MIEN1: variants seen among roughly 807,000 people sequenced by gnomAD.
The protein encoded by MIEN1 is HBV X-transactivated gene 4 protein.
Under a neutral mutation model 15.5 loss-of-function variants are expected in MIEN1, and 12 were observed. That is an observed-to-expected ratio of 0.78 (90% confidence interval 0.50 to 1.26). MIEN1 has a LOEUF of 1.26. MIEN1 is among the 50% of genes most tolerant of loss of function. MIEN1 has a pLI of 0.00. For missense variants in MIEN1, 160 were observed against 151.7 expected (o/e 1.05, Z -0.29); for synonymous variants, 63 against 62.8 (o/e 1.00, Z -0.02).
In MIEN1 at chr17:39,729,771, A is replaced by T; in HGVS notation, c.188-10T>A. 1 of 1,614,132 alleles carries T rather than the reference A, an allele frequency of 6.2e-7. No individual in the cohort carries two copies. The highest frequency in any genetic ancestry group is 8.5e-7 in the Non-Finnish European group (1 of 1,180,028). On this transcript the variant is annotated splice_polypyrimidine_tract_variant and intron_variant, in intron 2 of 3. Transcript: ENST00000394231. The stretch of plus-strand genomic sequence containing the variant: ...TCTATCTCAAAGGCACCTGGTAAGA[A>T]ATCAACAGATAAATGGTACACTGAG...
At position 39,729,169 on chromosome 17, in the gene MIEN1, C is replaced by T. The variant is rs1435127161; in HGVS notation, c.*353G>A. 2.6e-5 allele frequency: 8 copies of T among 308,500 alleles called. No individual in the cohort carries two copies. The highest frequency in any genetic ancestry group is 6.6e-5 in the East Asian group (1 of 15,100). 19.1% of individuals were successfully genotyped at this position (308,500 alleles called of 1,614,324 possible). On this transcript the variant is annotated 3_prime_UTR_variant, in exon 4 of 4. Coordinates refer to ENST00000394231, the MANE Select transcript of MIEN1 (RefSeq NM_032339.5). ...CACTAGTTAGCATTAGTGTTTGTAG[C>T]GCCACTTTACTGCCAATAGCTGACA...
At chr17:39,729,845 A>AAGGG in intron 2 of MIEN1, 84 bp from the exon 3 acceptor site, 3 of 1,553,548 alleles carry the variant, frequency 1.9e-6, no homozygotes, top group Non-Finnish European at 2.6e-6. Flanking sequence ...CCCGCCTTCA[A>AAGGG]GTCCCCCATC....
At position 39,729,717 on chromosome 17, in the gene MIEN1, G is replaced by C. The variant is rs2059923785; in HGVS notation, c.232C>G (p.Leu78Val). The change falls in exon 3 of 4, where the codon CTG (leucine) becomes GTG (valine). Residue 78 changes from leucine to valine, a missense_variant. Physicochemically the swap from Leu to Val is conservative, Grantham distance 32. Coordinates refer to ENST00000394231, the MANE Select transcript of MIEN1 (RefSeq NM_032339.5). ...TCATAGGGAAAGCCCCCATTCTCCA[G>C]CTTGGAGAACACCAGCTGTCCATTT... ...EINGQLVFSK[L>V]ENGGFPYEKD... 6.2e-7 allele frequency: 1 copy of C among 1,614,040 alleles called. No homozygotes were observed. The highest frequency in any genetic ancestry group is 2.2e-5 in the East Asian group (1 of 44,884).
intron 1 of MIEN1, 40 bp from the exon 2 acceptor site, chr17:39,730,331 G>T: frequency 5.7e-6 from 9 of 1,571,690 alleles, no homozygotes; most frequent in Non-Finnish European, 7.8e-6. Flanking sequence ...GGGATTCGGG[G>T]GTGGGGCCTC....
chr17:39,730,204 G>A lies in MIEN1; in HGVS notation c.177C>T (p.Leu59=), dbSNP rs1767176190. Residue 59 remains leucine (L), a synonymous_variant, in exon 2 of 4, where the codon CTC becomes CTT. Coordinates refer to ENST00000394231, the MANE Select transcript of MIEN1 (RefSeq NM_032339.5). ...TTCTGCGAGCCTCACCTGTGCCCCC[G>A]AGGCGCGACTCGATCTCGATGCCCG... ...QYPGIEIESR[L]GGTGAFEIEI... is the part of the protein sequence containing the mutation. 1 of 1,605,900 alleles carries A rather than the reference G, an allele frequency of 6.2e-7. No individual in the cohort carries two copies. Among genetic ancestry groups the A allele is most frequent in the Admixed American group, 1.7e-5 (1 of 59,556 alleles).
Position 39,729,402 on chromosome 17 carries a change from C to T in MIEN1, c.*120G>A. ...TTGTACCCAAAGGGCAAAGTGGAGG[C>T]CAGGGTCTCTTTGCTAAGGAGCTAA... On this transcript the variant is annotated 3_prime_UTR_variant, in exon 4 of 4. Coordinates refer to ENST00000394231, the MANE Select transcript of MIEN1 (RefSeq NM_032339.5). The T allele has an allele frequency of 7.8e-7, 1 of 1,278,338 alleles. No homozygotes were observed. Among genetic ancestry groups the T allele is most frequent in the South Asian group, 1.4e-5 (1 of 73,826 alleles). 79.2% of individuals were successfully genotyped at this position (1,278,338 alleles called of 1,614,324 possible).
chr17:39,730,371 G>A (rs891390327), intron 1 of MIEN1, 36 bp downstream of exon 1: 6 of 1,554,928 alleles, frequency 3.9e-6, no homozygotes, highest in Non-Finnish European at 5.2e-6. Context: ...CGGCCCGCGG[G>A]ACCAGGGTGC....
chr17:39,729,931 G>C, intron 2 of MIEN1, 170 bp from the exon 3 acceptor site: 1 of 839,116 alleles, frequency 1.2e-6, no homozygotes, highest in South Asian at 1.7e-5. Flanking sequence ...ACCTGAGGGA[G>C]GCCTCGCCTG....
Position 39,730,222 on chromosome 17 carries a change from G to A in MIEN1, c.159C>T (p.Ile53=), listed in dbSNP as rs1411159381. The change falls in exon 2 of 4, where the codon ATC becomes ATT. Residue 53 remains isoleucine, a synonymous_variant. Transcript: ENST00000394231. ...TGCCCCCGAGGCGCGACTCGATCTC[G>A]ATGCCCGGATACTGCTCCTTCACAG... ...ASAVKEQYPG[I]EIESRLGGTG... is the part of the protein sequence containing the mutation. 26 of 1,608,346 alleles carry A rather than the reference G, an allele frequency of 1.6e-5. No individual in the cohort carries two copies. The highest frequency in any genetic ancestry group is 2.1e-5 in the Non-Finnish European group (25 of 1,179,454).
At chr17:39,729,930 A>G in intron 2 of MIEN1, 169 bp from the exon 3 acceptor site, 1 of 847,304 alleles carries the variant, frequency 1.2e-6, no homozygotes, top group Non-Finnish European at 1.8e-6. Context: ...AACCTGAGGG[A>G]GGCCTCGCCT....
rs903754539 is a variant in MIEN1, at chr17:39,730,515, G to A, written c.-20C>T. On this transcript the variant is annotated 5_prime_UTR_variant, in exon 1 of 4. Transcript: ENST00000394231. ...GCTCATCGCGGCCGGCTCCGCTCGG[G>A]CCCCTGCTTCCGGGTGTGACGCGAA... The A allele has an allele frequency of 1.2e-4, 177 of 1,524,458 alleles. No individual in the cohort carries two copies. Among genetic ancestry groups the A allele is most frequent in the Admixed American group, 2.4e-4 (12 of 49,176 alleles). The allele number at this position is 1,524,458 out of a possible 1,614,324, so 94.4% of individuals were successfully genotyped here.
intron 2 of MIEN1, 57 bp from the exon 3 acceptor site, chr17:39,729,818 T>C (rs1370140268): frequency 5.6e-6 from 9 of 1,609,482 alleles, no homozygotes; most frequent in Non-Finnish European, 7.6e-6. Flanking sequence ...AAGTCAGGAG[T>C]TCCTCCAAAG....
chr17:39,730,173 C>G (rs1269128655), intron 2 of MIEN1, 21 bp downstream of exon 2: 1 of 1,586,176 alleles, frequency 6.3e-7, no homozygotes, highest in South Asian at 1.1e-5. Context: ...ACTGACCCAG[C>G]AGGTGTTCTG....
chr17:39,729,406 G>A lies in MIEN1; in HGVS notation c.*116C>T. ...ACCCAAAGGGCAAAGTGGAGGCCAGGGTCTCTTTGCTAAGGAGCTAAGTAG... is the reference window on the plus strand; with the variant it reads ...ACCCAAAGGGCAAAGTGGAGGCCAGAGTCTCTTTGCTAAGGAGCTAAGTAG... On this transcript the variant is annotated 3_prime_UTR_variant, in exon 4 of 4. Transcript: ENST00000394231. The A allele has an allele frequency of 7.6e-7, 1 of 1,308,258 alleles. No individual in the cohort carries two copies. The highest frequency in any genetic ancestry group is 1.3e-5 in the South Asian group (1 of 75,292). The allele number at this position is 1,308,258 out of a possible 1,614,324, so 81.0% of individuals were successfully genotyped here.
At chr17:39,730,067 C>T in intron 2 of MIEN1, 127 bp downstream of exon 2, 1 of 939,908 alleles carries the variant, frequency 1.1e-6, no homozygotes, top group Non-Finnish European at 1.6e-6. Context: ...CTCATGTTGG[C>T]CGGACATTTT....
Position 39,729,287 on chromosome 17 carries a change from C to T in MIEN1, c.*235G>A, listed in dbSNP as rs2143353717. The T allele has an allele frequency of 1.7e-6, 1 of 572,302 alleles. No individual in the cohort carries two copies. The highest frequency in any genetic ancestry group is 1.9e-5 in the African/African-American group (1 of 53,504). The allele number at this position is 572,302 out of a possible 1,614,324, so 35.5% of individuals were successfully genotyped here. A position where few individuals can be genotyped will look rare whatever the true frequency, so the allele number is the denominator to read the frequency against. On this transcript the variant is annotated 3_prime_UTR_variant, in exon 4 of 4. Coordinates refer to ENST00000394231, the MANE Select transcript of MIEN1 (RefSeq NM_032339.5). ...GGACTGGGCTTTCGTGGGCACTTAC[C>T]CTGGGAAGGGGGTATGAGGTGGCTG...
Position 39,729,590 on chromosome 17 carries a change from G to A in MIEN1, c.280C>T (p.Arg94Ter), listed in dbSNP as rs559490756. The A allele has an allele frequency of 1.9e-5, 31 of 1,613,916 alleles. No homozygotes were observed. Among genetic ancestry groups the A allele is most frequent in the Non-Finnish European group, 2.4e-5 (28 of 1,180,010 alleles). The change falls in exon 4 of 4, where the codon CGA (arginine) becomes TGA (stop). Residue 94 changes from arginine (R) to a stop codon, truncating the protein, a stop_gained. Coordinates refer to ENST00000394231, the MANE Select transcript of MIEN1 (RefSeq NM_032339.5). LOFTEE classifies it high-confidence loss of function. ...PYEKDLIEAI[R>*]RASNGETLEK... ...AGGGTTTCTCCATTACTGGCTCTTCGGATGGCCTCAATGAGCTAGAGGAGT... is the reference window on the plus strand; with the variant it reads ...AGGGTTTCTCCATTACTGGCTCTTCAGATGGCCTCAATGAGCTAGAGGAGT...
chr17:39,730,413 TCCA>T lies in MIEN1; in HGVS notation c.80_82del (p.Val27del). On this transcript the variant is annotated inframe_deletion, in exon 1 of 4. Transcript: ENST00000394231. Reference sequence around the variant, plus strand: ...TCCAGCCGGGGCCGCTCACCAGTACTCCACCACGATGCGGACCCCACTGCCCGG... The same window carrying T: ...TCCAGCCGGGGCCGCTCACCAGTACTCCACGATGCGGACCCCACTGCCCGG... 6.4e-7 allele frequency: 1 copy of T among 1,553,918 alleles called. No homozygotes were observed. The highest frequency in any genetic ancestry group is 8.7e-7 in the Non-Finnish European group (1 of 1,149,944).
chr17:39,729,486 C>T lies in MIEN1; in HGVS notation c.*36G>A, dbSNP rs746116984. ...GACCAAAGGGAGACCAAGGTTTGGA[C>T]CCCAGAACAGAGCAGGAACCCAGAG... On this transcript the variant is annotated 3_prime_UTR_variant, in exon 4 of 4. Coordinates refer to ENST00000394231, the MANE Select transcript of MIEN1 (RefSeq NM_032339.5). 6.8e-6 allele frequency: 11 copies of T among 1,612,242 alleles called. No homozygotes were observed. Among genetic ancestry groups the T allele is most frequent in the Non-Finnish European group, 9.3e-6 (11 of 1,179,800 alleles).
Sources: gnomAD v4.1 joint callset for allele counts on GRCh38, gnomAD v4.1.1 for gene constraint, MANE v1.5 for transcripts, NCBI Gene and HGNC (gene_info 2026-07-23, HGNC 2026-07-21) for gene names.